ARID4B: variants seen among roughly 807,000 people sequenced by gnomAD.
ARID4B encodes the protein AT-rich interaction domain 4B, also known as AT-rich interactive domain-containing protein 4B.
In ARID4B, 26 loss-of-function variants were observed where a neutral mutation model predicts 147.5. That is an observed-to-expected ratio of 0.18 (90% CI 0.13 to 0.24). The LOEUF is 0.24. Ranked by LOEUF, ARID4B falls within the 10% of genes least tolerant of loss-of-function variation. The pLI is 1.00. For missense variants in ARID4B, 1,179 were observed against 1,511.5 expected (o/e 0.78, Z 3.65); for synonymous variants, 512 against 507.9 (o/e 1.01, Z -0.11).
rs745483517 is a variant in ARID4B, at chr1:235,194,078, G to C, written c.2060C>G (p.Ala687Gly). ...EMVSKLDLTD[A>G]KNSDTAHIKS... Reference sequence around the variant, plus strand: ...AATATGAGCAGTATCAGAGTTTTTGGCATCAGTGAGATCCAGTTTGGATAC... The same window carrying C: ...AATATGAGCAGTATCAGAGTTTTTGCCATCAGTGAGATCCAGTTTGGATAC... Residue 687 changes from alanine (A) to glycine (G), a missense_variant, in exon 19 of 24, where the codon GCC (alanine) becomes GGC (glycine). Coordinates refer to ENST00000264183, the MANE Select transcript of ARID4B (RefSeq NM_016374.6). The C allele has an allele frequency of 1.9e-6, 3 of 1,613,024 alleles. No homozygotes were observed. The highest frequency in any genetic ancestry group is 1.7e-5 in the Admixed American group (1 of 59,998).
chr1:235,192,211 G>A (rs914771142), intron 19 of ARID4B, among the ~76,000 whole-genome samples: 1 of 151,430 alleles, frequency 6.6e-6, no homozygotes, highest in Non-Finnish European at 1.5e-5. Context: ...ATTACTTCTG[G>A]GAGGAGACAT....
chr1:235,252,011 A>T (rs1669676684), intron 6 of ARID4B, among the ~76,000 whole-genome samples: 1 of 152,222 alleles, frequency 6.6e-6, no homozygotes, highest in African/African-American at 2.4e-5. Context: ...TAACTACCTC[A>T]TAATGTTGCA....
At chr1:235,199,067 C>G (rs1310770033) in intron 17 of ARID4B, among the ~76,000 whole-genome samples, 7 of 152,108 alleles carry the variant, frequency 4.6e-5, no homozygotes, top group Non-Finnish European at 7.4e-5. Context: ...CCATTGCACT[C>G]CAGCCTGGGT....
At chr1:235,173,820 C>T (rs1324346169) in intron 22 of ARID4B, among the ~76,000 whole-genome samples, 1 of 40,898 alleles carries the variant, frequency 2.4e-5, no homozygotes, top group East Asian at 6.5e-4. Flanking sequence ...ATATGTATAC[C>T]TAAAACATAT....
At chr1:235,207,713 T>C (rs547028435) in intron 17 of ARID4B, among the ~76,000 whole-genome samples, 1 of 152,112 alleles carries the variant, frequency 6.6e-6, no homozygotes, top group East Asian at 1.9e-4. Flanking sequence ...GTTTGGAAAA[T>C]AAAGGAATAA....
At chr1:235,183,124 ATATAAG>A (rs542139027) in intron 19 of ARID4B, among the ~76,000 whole-genome samples, 51 of 152,302 alleles carry the variant, frequency 3.3e-4, no homozygotes, top group African/African-American at 8.7e-4. Context: ...CTCCAAGTTT[ATATAAG>A]TATAATATTT....
chr1:235,223,075 T>C, intron 13 of ARID4B, 91 bp downstream of exon 13: 1 of 845,156 alleles, frequency 1.2e-6, no homozygotes, highest in Non-Finnish European at 1.8e-6. Context: ...AAACTTTGTT[T>C]TGTTGTTTAG....
chr1:235,223,382 T>TATATATACACGTATATATATATAC (rs71172272), intron 12 of ARID4B, 122 bp from the exon 13 acceptor site: 9 of 214,204 alleles, frequency 4.2e-5, no homozygotes, highest in Non-Finnish European at 7.2e-5. Context: ...TATATATATA[T>TATATATACACGTATATATATATAC]ACACGTATAT....
At chr1:235,224,677 G>A (rs199913994) in intron 12 of ARID4B, 26 bp downstream of exon 12, 69 of 1,467,258 alleles carry the variant, frequency 4.7e-5, no homozygotes, top group South Asian at 6.0e-5. Flanking sequence ...AACTTACCAC[G>A]TTAATGATAA....
chr1:235,257,312 G>T (rs914942581), intron 3 of ARID4B, 87 bp from the exon 4 acceptor site: 2 of 896,780 alleles, frequency 2.2e-6, no homozygotes, highest in African/African-American at 1.7e-5. Flanking sequence ...TGTAGTAAAA[G>T]AAATATAAAA....
intron 2 of ARID4B, among the ~76,000 whole-genome samples, chr1:235,286,267 C>T (rs779829312): frequency 1.7e-4 from 26 of 152,176 alleles, no homozygotes; most frequent in Non-Finnish European, 3.7e-4. Flanking sequence ...CTCCTGGACT[C>T]AAGTGATCCT....
chr1:235,273,601 TA>T (rs1671128342), intron 2 of ARID4B, among the ~76,000 whole-genome samples: 1 of 152,208 alleles, frequency 6.6e-6, no homozygotes, highest in African/African-American at 2.4e-5. Context: ...TTGTACCTGA[TA>T]AAATGTAGTC....
intron 21 of ARID4B, among the ~76,000 whole-genome samples, chr1:235,176,468 A>AG (rs869152914): frequency 7.1e-6 from 1 of 141,020 alleles, no homozygotes; most frequent in African/African-American, 2.7e-5. Context: ...AAAAAAAAAA[A>AG]GGAGTTAAAC....
intron 17 of ARID4B, among the ~76,000 whole-genome samples, chr1:235,204,815 A>T (rs1175865867): frequency 6.6e-6 from 1 of 152,216 alleles, no homozygotes; most frequent in Admixed American, 6.5e-5. Context: ...CCAATCTACG[A>T]AACTACTGAA....
At chr1:235,224,919 A>G (rs1169918399) in intron 11 of ARID4B, 144 bp from the exon 12 acceptor site, 3 of 609,202 alleles carry the variant, frequency 4.9e-6, no homozygotes, top group African/African-American at 1.9e-5. Flanking sequence ...TTTTAACACT[A>G]AGCTGTTCAA....
intron 2 of ARID4B, among the ~76,000 whole-genome samples, chr1:235,277,408 GCA>G (rs1424125310): frequency 1.3e-5 from 2 of 151,046 alleles, no homozygotes; most frequent in Non-Finnish European, 3.0e-5. Context: ...GCATGGTGGC[GCA>G]CGCCTGTAAT....
chr1:235,277,594 TTGTGTGTGTGTGTGTGTGTGTGTG>T (rs71576468), intron 2 of ARID4B, among the ~76,000 whole-genome samples: 1 of 129,620 alleles, frequency 7.7e-6, no homozygotes, highest in East Asian at 2.2e-4. Flanking sequence ...ATGCCTTATA[TTGTGTGTGTGTGTGTGTGTGTGTG>T]TGTGTGTGTG....
chr1:235,172,141 T>A (rs1663411621), intron 23 of ARID4B, among the ~76,000 whole-genome samples: 1 of 152,224 alleles, frequency 6.6e-6, no homozygotes, highest in African/African-American at 2.4e-5. Context: ...TATTATGATC[T>A]GAAATAATTT....
At chr1:235,275,344 G>A (rs1047466735) in intron 2 of ARID4B, among the ~76,000 whole-genome samples, 1 of 152,196 alleles carries the variant, frequency 6.6e-6, no homozygotes, top group African/African-American at 2.4e-5. Context: ...CCAATTAGCC[G>A]GTAGAGAAAG....
Sources: allele counts gnomAD v4.1 joint callset (sites outside exome capture counted in the v4.1 genomes callset), GRCh38; gene constraint gnomAD v4.1.1; transcripts MANE v1.5; gene names NCBI Gene and HGNC (gene_info 2026-07-23, HGNC 2026-07-21).